Variants in ACOT9 observed in about 807,000 individuals in gnomAD.
The protein encoded by ACOT9 is acyl-CoA thioesterase 9.
Under a neutral mutation model 39.7 loss-of-function variants are expected in ACOT9, and 34 were observed. That is an observed-to-expected ratio of 0.86 (90% confidence interval 0.65 to 1.14). ACOT9 has a LOEUF of 1.14. Among genes scored for constraint, ACOT9 ranks in the 50% most tolerant of loss-of-function variants. ACOT9 has a pLI of 0.00. For missense variants in ACOT9, 313 were observed against 344.1 expected (o/e 0.91, Z 0.71); for synonymous variants, 110 against 120.5 (o/e 0.91, Z 0.57).
chrX:23,739,487 C>G (rs1003908612), intron 1 of ACOT9, among the ~76,000 whole-genome samples: 25 of 111,344 alleles, frequency 2.2e-4, no homozygotes, highest in African/African-American at 7.2e-4. Context: ...GAAAGTCATG[C>G]TTCTCCAAAG....
Position 23,705,527 on chromosome X carries a change from G to A in ACOT9, c.1001C>T (p.Ala334Val). 8.3e-7 allele frequency: 1 copy of A among 1,209,472 alleles called. No homozygotes were observed. Among genetic ancestry groups the A allele is most frequent in the Non-Finnish European group, 1.1e-6 (1 of 894,133 alleles). The change falls in exon 13 of 16, where the codon GCT becomes GTT. Residue 334 changes from alanine (A) to valine (V), a missense_variant. Ala to Val is a moderately conservative substitution (Grantham distance 64). Coordinates refer to ENST00000379303, the MANE Select transcript of ACOT9 (RefSeq NM_001037171.2). ...AACTCACCCAAAGCTACAAGCAGTA[G>A]CCCACGCAAGTTCATATGCCTTCCT... The part of the protein sequence containing the change: ...LMRKAYELAW[A>V]TACSFGGSRP...
chrX:23,723,330 C>T (rs1257762391), intron 6 of ACOT9, among the ~76,000 whole-genome samples: 3 of 111,361 alleles, frequency 2.7e-5, no homozygotes, highest in African/African-American at 9.8e-5. Context: ...TATAATTATA[C>T]GTTGGGCCGG....
chrX:23,705,224 T>C (rs1226307873), intron 13 of ACOT9, 144 bp from the exon 14 acceptor site: 4 of 576,051 alleles, frequency 6.9e-6, no homozygotes, highest in Non-Finnish European at 1.1e-5. Flanking sequence ...CAGTGAGAAA[T>C]GGTAAGAGAC....
intron 4 of ACOT9, 56 bp from the exon 5 acceptor site, chrX:23,731,042 C>T: frequency 9.8e-7 from 1 of 1,023,297 alleles, no homozygotes; most frequent in Non-Finnish European, 1.3e-6. Flanking sequence ...CCCACAATTC[C>T]AGTGGTACAC....
At chrX:23,716,812 G>A (rs982874806) in intron 8 of ACOT9, among the ~76,000 whole-genome samples, 5 of 109,400 alleles carry the variant, frequency 4.6e-5, no homozygotes, top group African/African-American at 1.7e-4. Context: ...TCAGCCTCCC[G>A]AGTGGCTGGG....
At chrX:23,719,984 G>A (rs868700102) in intron 8 of ACOT9, among the ~76,000 whole-genome samples, 54 of 107,152 alleles carry the variant, frequency 5.0e-4, no homozygotes, top group Non-Finnish European at 9.5e-4. Context: ...ACAGGCACCC[G>A]CCACCACGCC....
intron 8 of ACOT9, among the ~76,000 whole-genome samples, chrX:23,721,493 T>C (rs1929317382): frequency 8.9e-6 from 1 of 111,738 alleles, no homozygotes; most frequent in South Asian, 3.7e-4. Flanking sequence ...CCATGGTTGG[T>C]TGAATCTGTG....
intron 8 of ACOT9, among the ~76,000 whole-genome samples, chrX:23,719,353 A>T (rs1312296329): frequency 8.9e-6 from 1 of 111,970 alleles, no homozygotes; most frequent in Non-Finnish European, 1.9e-5. Context: ...AGTACTGAAT[A>T]AAAAAAATAC....
chrX:23,708,538 GAAAAA>G (rs567506307), intron 9 of ACOT9, among the ~76,000 whole-genome samples: 1 of 70,854 alleles, frequency 1.4e-5, no homozygotes, highest in Non-Finnish European at 2.5e-5. Flanking sequence ...CTCAAAAAAA[GAAAAA>G]AAAAAAAAAA....
intron 1 of ACOT9, among the ~76,000 whole-genome samples, chrX:23,740,717 T>TACACAC (rs67075682): frequency 0.032 from 2,922 of 91,990 alleles, 74 homozygotes; most frequent in Non-Finnish European, 0.05. Flanking sequence ...CCCCAATACA[T>TACACAC]ACACACACAC....
In ACOT9 at chrX:23,703,857, G is replaced by A; in HGVS notation, c.*37C>T. On this transcript the variant is annotated 3_prime_UTR_variant, in exon 16 of 16. Transcript: ENST00000379303. Reference sequence around the variant, plus strand: ...GGTCTTCATCAGATACCACGTCACTGTGGGTAGAGTGCTAGTTTTCAACAA... The same window carrying A: ...GGTCTTCATCAGATACCACGTCACTATGGGTAGAGTGCTAGTTTTCAACAA... 9.0e-7 allele frequency: 1 copy of A among 1,110,232 alleles called. No individual in the cohort carries two copies. Among genetic ancestry groups the A allele is most frequent in the East Asian group, 3.0e-5 (1 of 33,328 alleles). The allele number at this position is 1,110,232 out of a possible 1,213,427, so 91.5% of individuals were successfully genotyped here.
At position 23,703,969 on chromosome X, in the gene ACOT9, G is replaced by C. The variant is rs1255429952; in HGVS notation, c.1272C>G (p.Tyr424Ter). Residue 424 changes from tyrosine (Y) to a stop codon, truncating the protein, a stop_gained, in exon 16 of 16, where the codon TAC becomes TAG. Transcript: ENST00000379303. LOFTEE classifies it high-confidence loss of function. ...AGTTGAAATGCCGCTGCCCATCTAA[G>C]TACAACATGGACTCTGAAACACAAG... is the stretch of plus-strand genomic sequence containing the variant. ...FPKTYGESMLYLDGQRHFNSM... is the reference protein window; with the variant it reads ...FPKTYGESML 1.7e-6 allele frequency: 2 copies of C among 1,206,607 alleles called. No homozygotes were observed. The highest frequency in any genetic ancestry group is 1.8e-5 in the African/African-American group (1 of 56,913).
intron 8 of ACOT9, among the ~76,000 whole-genome samples, chrX:23,718,507 A>G (rs1297271574): frequency 8.9e-6 from 1 of 112,392 alleles, no homozygotes; most frequent in Non-Finnish European, 1.9e-5. Flanking sequence ...TTTGTCCAAG[A>G]GGCAAATTGT....
At chrX:23,705,349 C>T (rs1023395696) in intron 13 of ACOT9, among the ~76,000 whole-genome samples, 160 bp downstream of exon 13, 7 of 111,068 alleles carry the variant, frequency 6.3e-5, no homozygotes, top group Middle Eastern at 4.2e-3. Context: ...AGAGAAACAA[C>T]CTTCTAAAAT....
intron 9 of ACOT9, 27 bp downstream of exon 9, chrX:23,713,108 A>C (rs1010734359): frequency 8.7e-7 from 1 of 1,143,564 alleles, no homozygotes; most frequent in Non-Finnish European, 1.2e-6. Flanking sequence ...TCTTCAAAAT[A>C]AAGAATTATG....
At chrX:23,734,040 T>A (rs1929850906) in intron 3 of ACOT9, among the ~76,000 whole-genome samples, 3 of 111,770 alleles carry the variant, frequency 2.7e-5, no homozygotes, top group Non-Finnish European at 5.6e-5. Context: ...GGATTACAGG[T>A]GTGAGCCACT....
intron 1 of ACOT9, among the ~76,000 whole-genome samples, chrX:23,742,217 AGAGAGAGAGAGAGAGAGAGG>A (rs1920975468): frequency 2.4e-5 from 1 of 41,118 alleles, no homozygotes; most frequent in Non-Finnish European, 3.6e-5. Flanking sequence ...AGTGAGTGAG[AGAGAGAGAGAGAGAGAGAGG>A]GAGAGAGAGA....
At chrX:23,719,061 A>G (rs1318433705) in intron 8 of ACOT9, among the ~76,000 whole-genome samples, 1 of 110,845 alleles carries the variant, frequency 9.0e-6, no homozygotes, top group Admixed American at 9.7e-5. Flanking sequence ...CTTGAGTCCA[A>G]GAGTTCAAGA....
At chrX:23,725,813 T>C (rs1407274498) in intron 6 of ACOT9, among the ~76,000 whole-genome samples, 1 of 108,641 alleles carries the variant, frequency 9.2e-6, no homozygotes, top group Non-Finnish European at 1.9e-5. Flanking sequence ...TGAGACCCTG[T>C]CTCAAAAACT....
Sources: gnomAD v4.1 joint callset for allele counts (sites outside exome capture counted in the v4.1 genomes callset) on GRCh38, gnomAD v4.1.1 for gene constraint, MANE v1.5 for transcripts, NCBI Gene and HGNC (gene_info 2026-07-23, HGNC 2026-07-21) for gene names.